Variants in MACROD2 observed in about 807,000 individuals in gnomAD.
MACROD2 encodes the protein ADP-ribose glycohydrolase MACROD2.
MACROD2 carries 36 observed loss-of-function variants against 70.4 expected under a neutral mutation model. That is an observed-to-expected ratio of 0.51 (90% CI 0.39 to 0.68). MACROD2 has a LOEUF of 0.68. Ranked by LOEUF, MACROD2 falls within the 30% of genes least tolerant of loss-of-function variation. MACROD2 has a pLI of 0.00. For synonymous variants in MACROD2, 172 were observed against 178.8 expected (o/e 0.96, Z 0.30); for missense variants, 496 against 538.4 (o/e 0.92, Z 0.78).
At chr20:14,112,084 G>C (rs1055820144) in intron 3 of MACROD2, among the ~76,000 whole-genome samples, 7 of 151,898 alleles carry the variant, frequency 4.6e-5, no homozygotes, top group African/African-American at 1.7e-4. Flanking sequence ...ACTGGAAATC[G>C]TTATATTAAA....
At chr20:14,274,267 T>C (rs1415602811) in intron 3 of MACROD2, among the ~76,000 whole-genome samples, 28 of 152,188 alleles carry the variant, frequency 1.8e-4, no homozygotes, top group Non-Finnish European at 3.8e-4. Flanking sequence ...GCACACCGAA[T>C]CCAGCAGCAC....
intron 5 of MACROD2, among the ~76,000 whole-genome samples, chr20:14,910,897 C>T (rs1266041562): frequency 1.3e-5 from 2 of 152,124 alleles, no homozygotes; most frequent in Non-Finnish European, 2.9e-5. Flanking sequence ...TTGTCTACAA[C>T]CCATAATAAG....
intron 5 of MACROD2, chr20:14,895,388 G>A (rs1313574974): frequency 6.6e-6 from 1 of 152,088 alleles, no homozygotes; most frequent in African/African-American, 2.4e-5. Flanking sequence ...AAAGATGGTT[G>A]GGGGGCAAGT....
At chr20:14,545,238 T>C (rs2085478722) in intron 4 of MACROD2, among the ~76,000 whole-genome samples, 3 of 152,212 alleles carry the variant, frequency 2.0e-5, no homozygotes, top group Admixed American at 2.0e-4. Flanking sequence ...AATCATTTTA[T>C]TGGGCACAGA....
intron 8 of MACROD2, among the ~76,000 whole-genome samples, chr20:15,674,481 T>C (rs528355769): frequency 1.1e-3 from 163 of 152,166 alleles, no homozygotes; most frequent in Middle Eastern, 0.01. Flanking sequence ...TCATTACATT[T>C]AGAAGCCCCT....
chr20:15,160,734 A>C (rs1378584160), intron 5 of MACROD2, among the ~76,000 whole-genome samples: 1 of 152,136 alleles, frequency 6.6e-6, no homozygotes, highest in Non-Finnish European at 1.5e-5. Context: ...TTGATCTAAT[A>C]GTATTTTTTA....
At chr20:15,588,591 A>G (rs1285884064) in intron 8 of MACROD2, among the ~76,000 whole-genome samples, 3 of 152,174 alleles carry the variant, frequency 2.0e-5, no homozygotes, top group Non-Finnish European at 4.4e-5. Context: ...TCACCTCTTT[A>G]ATGCTTTTTT....
At chr20:14,025,476 C>T (rs2053150230) in intron 2 of MACROD2, among the ~76,000 whole-genome samples, 1 of 152,142 alleles carries the variant, frequency 6.6e-6, no homozygotes, top group Admixed American at 6.6e-5. Flanking sequence ...CTCCTGTGGG[C>T]ATTTAGTGCT....
chr20:15,058,200 G>A (rs2075502310), intron 5 of MACROD2, among the ~76,000 whole-genome samples: 1 of 151,892 alleles, frequency 6.6e-6, no homozygotes, highest in African/African-American at 2.4e-5. Context: ...ATTTTACTAG[G>A]GGGAGTCAAA....
chr20:14,070,139 G>T (rs1390391211), intron 2 of MACROD2, among the ~76,000 whole-genome samples: 3 of 152,134 alleles, frequency 2.0e-5, no homozygotes, highest in Non-Finnish European at 4.4e-5. Context: ...AGGGATTTTT[G>T]CACAGCAAAA....
intron 6 of MACROD2, among the ~76,000 whole-genome samples, chr20:15,283,118 T>C (rs2077460247): frequency 6.6e-6 from 1 of 152,144 alleles, no homozygotes; most frequent in African/African-American, 2.4e-5. Flanking sequence ...GAACTGCCCA[T>C]ATGATCCAAC....
chr20:14,278,334 C>T (rs2122392707), intron 3 of MACROD2, among the ~76,000 whole-genome samples: 1 of 152,266 alleles, frequency 6.6e-6, no homozygotes, highest in East Asian at 1.9e-4. Flanking sequence ...CACTTTGTTG[C>T]CAGTTGGCTT....
chr20:14,983,587 G>A (rs914388056), intron 5 of MACROD2, among the ~76,000 whole-genome samples: 6 of 152,114 alleles, frequency 3.9e-5, no homozygotes, highest in African/African-American at 1.4e-4. Context: ...GAGTTTCCCT[G>A]CACAAGCTCT....
chr20:15,290,842 C>G lies in MACROD2; in HGVS notation c.540+60781C>G, dbSNP rs1011016740. On this transcript the variant is annotated intron_variant, in intron 6 of 17. Coordinates refer to ENST00000684519, the MANE Select transcript of MACROD2 (RefSeq NM_001351661.2). The stretch of plus-strand genomic sequence containing the variant: ...GCACCCATCCAGGCAGCCATCCATT[C>G]ATCCACTCATTCATTTCAATTCCTA... Among the ~76,000 whole-genome samples the G allele has an allele frequency of 2.6e-5, 4 of 152,180 alleles. No homozygotes were observed. The South Asian group carries it at 8.3e-4, about 31-fold the overall frequency.
intron 8 of MACROD2, among the ~76,000 whole-genome samples, chr20:15,509,492 G>A (rs577930032): frequency 1.3e-5 from 2 of 152,234 alleles, no homozygotes; most frequent in South Asian, 4.1e-4. Context: ...GTTGGGATTG[G>A]TATATCTGAA....
chr20:14,241,983 A>C (rs1397397248), intron 3 of MACROD2, among the ~76,000 whole-genome samples: 2 of 152,168 alleles, frequency 1.3e-5, no homozygotes, highest in African/African-American at 4.8e-5. Context: ...GTGTAAAATT[A>C]CATCTTAGTA....
chr20:15,646,293 C>A (rs1360663742), intron 8 of MACROD2, among the ~76,000 whole-genome samples: 1 of 152,178 alleles, frequency 6.6e-6, no homozygotes, highest in Non-Finnish European at 1.5e-5. Context: ...ACAACAAGAA[C>A]TAAACCTTCT....
chr20:14,230,313 C>T (rs986208737), intron 3 of MACROD2, among the ~76,000 whole-genome samples: 1 of 152,078 alleles, frequency 6.6e-6, no homozygotes, highest in Non-Finnish European at 1.5e-5. Context: ...TCAAACAGTA[C>T]CGCTGCTTTA....
chr20:15,993,921 C>T (rs1043180378), intron 15 of MACROD2, among the ~76,000 whole-genome samples: 1 of 151,998 alleles, frequency 6.6e-6, no homozygotes, highest in Non-Finnish European at 1.5e-5. Flanking sequence ...AGGAATACAC[C>T]CTCATAGAAC....
Sources: gnomAD v4.1 joint callset for allele counts (sites outside exome capture counted in the v4.1 genomes callset) on GRCh38, gnomAD v4.1.1 for gene constraint, MANE v1.5 for transcripts, NCBI Gene and HGNC (gene_info 2026-07-23, HGNC 2026-07-21) for gene names.